The following STK38L variants were observed in gnomAD, a reference collection of about 807,000 sequenced individuals.
STK38L encodes the protein serine/threonine kinase 38 like.
In STK38L, 28 loss-of-function variants were observed where a neutral mutation model predicts 59.7. The observed-to-expected ratio is 0.47, with a 90% CI of 0.35 to 0.64. The LOEUF is 0.64. Ranked by LOEUF, STK38L falls within the 30% of genes least tolerant of loss-of-function variation. The pLI, the probability that STK38L is intolerant of heterozygous loss-of-function variation, is 0.01. For missense variants in STK38L, 314 were observed against 555.8 expected (o/e 0.56, Z 4.37); for synonymous variants, 162 against 176.8 (o/e 0.92, Z 0.66).
rs566703043 is a variant in STK38L at position 27,308,500 on chromosome 12, A to G, written c.309+39A>G. The G allele has an allele frequency of 2.2e-5, 32 of 1,473,412 alleles. No homozygotes were observed. The South Asian group carries it at 3.6e-4, about 17-fold the overall frequency. 91.3% of individuals were successfully genotyped at this position (1,473,412 alleles called of 1,614,324 possible). A position where few individuals can be genotyped will look rare whatever the true frequency, so the allele number is the denominator to read the frequency against. On this transcript the variant is annotated intron_variant, in intron 4 of 13. Transcript: ENST00000389032. The surrounding 1 kb of genome is among the most constrained non-coding windows in gnomAD (Gnocchi z 4.5). The stretch of plus-strand genomic sequence containing the variant: ...TAAAAGTCACTACTGCTGCAAATAT[A>G]TATCTTAAGATAATTTAAAATATGT...
chr12:27,252,392 A>G (rs974265148), intron 1 of STK38L, among the ~76,000 whole-genome samples: 14 of 151,540 alleles, frequency 9.2e-5, no homozygotes, highest in East Asian at 3.9e-4. Context: ...AGCTTATTCA[A>G]TGATCCATTT....
chr12:27,267,189 A>G (rs1943318321), intron 1 of STK38L, among the ~76,000 whole-genome samples: 1 of 152,148 alleles, frequency 6.6e-6, no homozygotes, highest in African/African-American at 2.4e-5. Context: ...TAAACGTTAA[A>G]TTGTTTTTTT....
At chr12:27,265,228 C>T (rs1311859111) in intron 1 of STK38L, among the ~76,000 whole-genome samples, 2 of 151,970 alleles carry the variant, frequency 1.3e-5, no homozygotes, top group African/African-American at 4.8e-5. Flanking sequence ...GCTTTCCTTC[C>T]GCTTGTTTTC....
chr12:27,251,032 G>T (rs1009015563), intron 1 of STK38L, among the ~76,000 whole-genome samples: 1 of 149,240 alleles, frequency 6.7e-6, no homozygotes. Context: ...TGCTTCTTCA[G>T]ATCAGGTTTG....
chr12:27,303,175 C>G (rs934715210), intron 3 of STK38L, among the ~76,000 whole-genome samples: 4 of 151,814 alleles, frequency 2.6e-5, no homozygotes, highest in African/African-American at 9.7e-5. Context: ...CTTTCTGCTG[C>G]TTGGAACTCT....
At chr12:27,306,575 A>T (rs1944317861) in intron 3 of STK38L, among the ~76,000 whole-genome samples, 1 of 152,188 alleles carries the variant, frequency 6.6e-6, no homozygotes, top group Admixed American at 6.5e-5. Flanking sequence ...AGCAAAAAAT[A>T]GTCTTCACTA....
intron 1 of STK38L, among the ~76,000 whole-genome samples, chr12:27,246,673 A>G (rs1942860171): frequency 6.6e-6 from 1 of 152,250 alleles, no homozygotes; most frequent in Non-Finnish European, 1.5e-5. Context: ...CATGAAGCAT[A>G]TCCTCCTCTT....
chr12:27,276,677 C>A (rs1270058191), intron 1 of STK38L, among the ~76,000 whole-genome samples: 1 of 152,140 alleles, frequency 6.6e-6, no homozygotes, highest in Non-Finnish European at 1.5e-5. Flanking sequence ...CTTTAAAATT[C>A]CTTGGAATCT....
intron 1 of STK38L, among the ~76,000 whole-genome samples, chr12:27,275,818 TTACTATATTA>T (rs1943523283): frequency 6.6e-6 from 1 of 152,214 alleles, no homozygotes; most frequent in African/African-American, 2.4e-5. Context: ...TTTGCAATTC[TTACTATATTA>T]TACAACATCT....
At chr12:27,288,541 A>T (rs1943828222) in intron 1 of STK38L, among the ~76,000 whole-genome samples, 1 of 151,984 alleles carries the variant, frequency 6.6e-6, no homozygotes. Flanking sequence ...CATAGTTTAA[A>T]CCTGTTGGCC....
chr12:27,276,526 A>G (rs1943541723), intron 1 of STK38L, among the ~76,000 whole-genome samples: 1 of 152,096 alleles, frequency 6.6e-6, no homozygotes, highest in Admixed American at 6.5e-5. Context: ...GTGCTTTGTT[A>G]TTTAAATTGT....
At chr12:27,266,431 CT>C (rs1442380220) in intron 1 of STK38L, among the ~76,000 whole-genome samples, 2 of 152,174 alleles carry the variant, frequency 1.3e-5, no homozygotes, top group Admixed American at 1.3e-4. Context: ...TTCTATTGAA[CT>C]TTACTTAAGT....
intron 1 of STK38L, among the ~76,000 whole-genome samples, chr12:27,285,251 A>C (rs1387541633): frequency 1.3e-5 from 2 of 152,216 alleles, no homozygotes; most frequent in Non-Finnish European, 2.9e-5. Flanking sequence ...CAATTTAAAA[A>C]TTAAAATTAA....
chr12:27,261,025 G>C (rs541149128), intron 1 of STK38L, among the ~76,000 whole-genome samples: 2 of 152,078 alleles, frequency 1.3e-5, no homozygotes, highest in African/African-American at 4.8e-5. Flanking sequence ...TTGCCTAATT[G>C]TGTCCCATGT....
At chr12:27,316,997 T>A (rs1227742247) in intron 9 of STK38L, among the ~76,000 whole-genome samples, 1 of 152,124 alleles carries the variant, frequency 6.6e-6, no homozygotes, top group South Asian at 2.1e-4. Context: ...GCTATATATA[T>A]AAATAACTTA....
At chr12:27,315,158 A>C in intron 8 of STK38L, 41 bp downstream of exon 8, 1 of 1,590,028 alleles carries the variant, frequency 6.3e-7, no homozygotes, top group South Asian at 1.1e-5. Context: ...CCTGGTTAAG[A>C]TACTGTAGAG....
At chr12:27,254,793 G>C (rs1943054754) in intron 1 of STK38L, among the ~76,000 whole-genome samples, 1 of 152,100 alleles carries the variant, frequency 6.6e-6, no homozygotes, top group African/African-American at 2.4e-5. Context: ...GGTAGGGGAG[G>C]CACAGAGAGG....
At chr12:27,286,439 A>G (rs1399486226) in intron 1 of STK38L, among the ~76,000 whole-genome samples, 2 of 152,182 alleles carry the variant, frequency 1.3e-5, no homozygotes, top group Non-Finnish European at 2.9e-5. Flanking sequence ...CCATTTTTGT[A>G]TAGTTGAGTT....
chr12:27,261,768 A>G (rs1268930306), intron 1 of STK38L, among the ~76,000 whole-genome samples: 2 of 152,200 alleles, frequency 1.3e-5, no homozygotes, highest in Admixed American at 1.3e-4. Context: ...TATCTGTAAA[A>G]TGGGGAGTGG....
Sources: allele counts gnomAD v4.1 joint callset (sites outside exome capture counted in the v4.1 genomes callset), GRCh38; gene constraint gnomAD v4.1.1; non-coding constraint Gnocchi (gnomAD v3.1); transcripts MANE v1.5; gene names NCBI Gene and HGNC (gene_info 2026-07-23, HGNC 2026-07-21).